The following APOD variants were observed in gnomAD, a reference collection of about 807,000 sequenced individuals.
The protein encoded by APOD is apolipoprotein D.
In APOD, 22 loss-of-function variants were observed where a neutral mutation model predicts 20.4. The observed-to-expected ratio is 1.08, with a 90% CI of 0.77 to 1.54. APOD has a LOEUF of 1.54. Among genes scored for constraint, APOD ranks in the 40% most tolerant of loss-of-function variants. APOD has a pLI of 0.00. For synonymous variants in APOD, 97 were observed against 92.4 expected, an observed-to-expected ratio of 1.05 and a Z score of -0.29; for missense variants, 223 against 229.6, an observed-to-expected ratio of 0.97 and a Z score of 0.19.
chr3:195,578,286 A>G (rs1333365809), intron 2 of APOD, among the ~76,000 whole-genome samples: 1 of 152,166 alleles, frequency 6.6e-6, no homozygotes, highest in African/African-American at 2.4e-5. Flanking sequence ...AAGTCAGTGT[A>G]GACGTTAGTG....
At chr3:195,583,142 C>T (rs931634325) in intron 1 of APOD, 2 of 152,114 alleles carry the variant, frequency 1.3e-5, no homozygotes, top group African/African-American at 4.8e-5. Flanking sequence ...CTGGAGGCGA[C>T]CTCTGCTGAC....
chr3:195,579,879 T>C (rs933495808), intron 1 of APOD, among the ~76,000 whole-genome samples: 1 of 152,150 alleles, frequency 6.6e-6, no homozygotes, highest in Non-Finnish European at 1.5e-5. Context: ...GAGAGGGCTA[T>C]GTAAAGTGGG....
At chr3:195,577,186 C>CAAA in intron 2 of APOD, 2 of 285,164 alleles carry the variant, frequency 7.0e-6, no homozygotes, top group Non-Finnish European at 1.3e-5. Context: ...GACTCCGTCT[C>CAAA]AAAAAAAAAA....
At position 195,569,309 on chromosome 3, in the gene APOD, G is replaced by A. The variant is rs544830581; in HGVS notation, c.335-174C>T. ...AAGTTTGGACGAAAGCCTAGACTGA[G>A]TGTTTCTGACTTACCCTTTCTAGCA... On this transcript the variant is annotated intron_variant, in intron 4 of 4. Coordinates refer to ENST00000343267, the MANE Select transcript of APOD (RefSeq NM_001647.4). Among the ~76,000 whole-genome samples the A allele has an allele frequency of 4.6e-5, 7 of 152,272 alleles. No homozygotes were observed. The South Asian group carries it at 1.5e-3, about 32-fold the overall frequency.
rs1281323922 is a variant in APOD, at chr3:195,569,032, A to G, written c.438T>C (p.Ala146=). ...GATTAGGGTTTCTTGCCAAGATCCA[A>G]GCAAAATCCACGTGAAAAAGTTGGA... is the stretch of plus-strand genomic sequence containing the variant. The part of the protein sequence containing the change: ...CIIQLFHVDF[A]WILARNPNLP... Residue 146 remains alanine (A), a synonymous_variant, in exon 5 of 5, where the codon GCT becomes GCC. Coordinates refer to ENST00000343267, the MANE Select transcript of APOD (RefSeq NM_001647.4). The G allele has an allele frequency of 1.9e-6, 3 of 1,614,190 alleles. No individual in the cohort carries two copies. Among genetic ancestry groups the G allele is most frequent in the Admixed American group, 1.7e-5 (1 of 60,026 alleles).
chr3:195,578,290 G>A (rs1303285975), intron 2 of APOD, among the ~76,000 whole-genome samples: 2 of 152,022 alleles, frequency 1.3e-5, no homozygotes, highest in Non-Finnish European at 2.9e-5. Flanking sequence ...CAGTGTAGAC[G>A]TTAGTGTACT....
chr3:195,579,429 C>T lies in APOD; in HGVS notation c.33G>A (p.Leu11=), dbSNP rs2108970856. MVMLLLLLSA[L]AGLFGAAEGQ... ...CCTCTGCCGCACCGAAGAGGCCAGC[C>T]AGTGCGGAAAGCAGCAGCAGCAGCA... Residue 11 remains leucine (L), a synonymous_variant, in exon 2 of 5, where the codon CTG becomes CTA. Coordinates refer to ENST00000343267, the MANE Select transcript of APOD (RefSeq NM_001647.4). The T allele has an allele frequency of 6.2e-7, 1 of 1,614,028 alleles. No individual in the cohort carries two copies. The highest frequency in any genetic ancestry group is 1.1e-5 in the South Asian group (1 of 91,080).
At chr3:195,570,171 A>G (rs2056469) in intron 4 of APOD, among the ~76,000 whole-genome samples, 34,169 of 151,776 alleles carry the variant, frequency 0.23, 5,878 homozygotes, top group African/African-American at 0.47. Context: ...GTTAGCTTTC[A>G]CTCCAATCCC....
At chr3:195,571,860 AC>A (rs1158917771) in intron 3 of APOD, among the ~76,000 whole-genome samples, 1 of 151,656 alleles carries the variant, frequency 6.6e-6, no homozygotes, top group Non-Finnish European at 1.5e-5. Context: ...GCTTACTGCA[AC>A]CTCTGCCTCC....
At chr3:195,580,963 C>T (rs956302608) in intron 1 of APOD, among the ~76,000 whole-genome samples, 1 of 152,210 alleles carries the variant, frequency 6.6e-6, no homozygotes, top group Non-Finnish European at 1.5e-5. Context: ...AGCTTGCACA[C>T]GAGCTATTTC....
At position 195,573,979 on chromosome 3, in the gene APOD, G is replaced by T; in HGVS notation, c.124-8C>A. 1 of 1,613,746 alleles carries T rather than the reference G, an allele frequency of 6.2e-7. No homozygotes were observed. Among genetic ancestry groups the T allele is most frequent in the Non-Finnish European group, 8.5e-7 (1 of 1,179,788 alleles). On this transcript the variant is annotated splice_polypyrimidine_tract_variant and splice_region_variant and intron_variant, in intron 2 of 4. Coordinates refer to ENST00000343267, the MANE Select transcript of APOD (RefSeq NM_001647.4). ...GTACCATCTTCCGAGATACTGCAGA[G>T]ACAACAAGCAGAGCAAAACCCTGTG...
intron 2 of APOD, among the ~76,000 whole-genome samples, chr3:195,577,636 T>C (rs1720268792): frequency 6.6e-6 from 1 of 152,196 alleles, no homozygotes; most frequent in Non-Finnish European, 1.5e-5. Context: ...AGTATAGACA[T>C]ATAGATCAAT....
At chr3:195,573,722 A>G (rs766126126) in intron 3 of APOD, 128 bp downstream of exon 3, 55 of 1,259,524 alleles carry the variant, frequency 4.4e-5, no homozygotes, top group East Asian at 3.4e-4. Context: ...TTTCCTCTCA[A>G]TTCCTGCTAG....
chr3:195,578,516 A>G (rs1236488245), intron 2 of APOD, among the ~76,000 whole-genome samples: 1 of 152,202 alleles, frequency 6.6e-6, no homozygotes, highest in Non-Finnish European at 1.5e-5. Context: ...TTGAGTAGCA[A>G]CAGTGGGAGC....
rs1720315464 is a variant in APOD, at chr3:195,580,368, C to CTTCT, written c.-34-874_-34-873insAGAA. ...TCTTTTCTTTTCTTCTTTCTTTCTT[C>CTTCT]TTTTTTTTTTTTTGACATTCTGTTG... On this transcript the variant is annotated intron_variant, in intron 1 of 4. Coordinates refer to ENST00000343267, the MANE Select transcript of APOD (RefSeq NM_001647.4). Among the ~76,000 whole-genome samples, 14 of 140,658 alleles carry CTTCT rather than the reference C, an allele frequency of 1.0e-4. 2 individuals carry two copies. Among genetic ancestry groups the CTTCT allele is most frequent in the Admixed American group, 8.4e-4 (12 of 14,202 alleles). 92.3% of individuals were successfully genotyped at this position (140,658 alleles called of 152,430 possible). A position where few individuals can be genotyped will look rare whatever the true frequency, so the allele number is the denominator to read the frequency against.
chr3:195,576,110 A>G (rs1720243891), intron 2 of APOD, among the ~76,000 whole-genome samples: 1 of 152,174 alleles, frequency 6.6e-6, no homozygotes. Flanking sequence ...AAGCCACTGA[A>G]CTTAACATTC....
At chr3:195,578,590 AC>A (rs1251388626) in intron 2 of APOD, among the ~76,000 whole-genome samples, 1 of 151,650 alleles carries the variant, frequency 6.6e-6, no homozygotes, top group African/African-American at 2.4e-5. Flanking sequence ...CTCCCGCTAA[AC>A]CCCAGGAAGA....
chr3:195,579,611 C>G, intron 1 of APOD, 116 bp from the exon 2 acceptor site: 4 of 1,131,952 alleles, frequency 3.5e-6, no homozygotes. Context: ...CCTCTTCTCT[C>G]CCCAGCCCAT....
intron 4 of APOD, 132 bp from the exon 5 acceptor site, chr3:195,569,267 A>G: frequency 4.1e-6 from 3 of 734,822 alleles, no homozygotes; most frequent in South Asian, 3.6e-5. Context: ...ATCCAGAAAC[A>G]GAAAGACCCT....
Sources: allele counts gnomAD v4.1 joint callset (sites outside exome capture counted in the v4.1 genomes callset), GRCh38; gene constraint gnomAD v4.1.1; transcripts MANE v1.5; gene names NCBI Gene and HGNC (gene_info 2026-07-23, HGNC 2026-07-21).